Variants in CFDP1 observed in about 807,000 individuals in gnomAD.
CFDP1 encodes chromatin remodeling protein CFDP1, also known as heterochromatin-stabilizing protein CFDP1.
Under a neutral mutation model 40.1 loss-of-function variants are expected in CFDP1, and 31 were observed. The observed-to-expected ratio is 0.77, with a 90% CI of 0.58 to 1.04. The LOEUF (loss-of-function observed/expected upper bound fraction) is 1.04. Ranked by LOEUF, CFDP1 falls within the 50% of genes least tolerant of loss-of-function variation. The pLI, the probability that CFDP1 is intolerant of heterozygous loss-of-function variation, is 0.00. For missense variants in CFDP1, 423 were observed against 343.4 expected (o/e 1.23, Z -1.83); for synonymous variants, 167 against 120.0 (o/e 1.39, Z -2.56).
Position 75,432,229 on chromosome 16 carries a change from C to A in CFDP1, c.64+1060G>T, listed in dbSNP as rs535022074. On this transcript the variant is annotated intron_variant, in intron 1 of 6. Coordinates refer to ENST00000283882, the MANE Select transcript of CFDP1 (RefSeq NM_006324.3). ...CAGGAATGGAATGGCTAGTTTTCAACGTGCCTTTTAGAAATACTTCACTAG... is the reference window on the plus strand; with the variant it reads ...CAGGAATGGAATGGCTAGTTTTCAAAGTGCCTTTTAGAAATACTTCACTAG... 2.6e-3 allele frequency among the ~76,000 whole-genome samples: 383 copies of A among 149,496 alleles called. 1 individual carries two copies. The highest frequency in any genetic ancestry group is 8.9e-3 in the African/African-American group (364 of 40,942).
intron 1 of CFDP1, among the ~76,000 whole-genome samples, chr16:75,431,615 A>G (rs1177927661): frequency 6.6e-6 from 1 of 152,078 alleles, no homozygotes; most frequent in Non-Finnish European, 1.5e-5. Flanking sequence ...CTCCAGCCTG[A>G]GCCACAGAGC....
intron 5 of CFDP1, among the ~76,000 whole-genome samples, chr16:75,394,490 T>C (rs1365206886): frequency 6.6e-6 from 1 of 152,042 alleles, no homozygotes; most frequent in Non-Finnish European, 1.5e-5. Flanking sequence ...TGGGAGTGAG[T>C]GTTCATCGCA....
intron 5 of CFDP1, among the ~76,000 whole-genome samples, chr16:75,356,713 T>C (rs2078646071): frequency 6.6e-6 from 1 of 152,060 alleles, no homozygotes; most frequent in Admixed American, 6.6e-5. Flanking sequence ...CTTCTTCCAA[T>C]AGAAAGCTAT....
intron 1 of CFDP1, chr16:75,419,122 T>A (rs1567681103): frequency 5.5e-6 from 2 of 364,246 alleles, no homozygotes; most frequent in African/African-American, 2.1e-5. Context: ...TAAATAATAA[T>A]AAAAAAAGAT....
chr16:75,392,203 A>G (rs138449165), intron 5 of CFDP1, among the ~76,000 whole-genome samples: 3 of 152,046 alleles, frequency 2.0e-5, no homozygotes, highest in East Asian at 3.9e-4. Context: ...CAGGAGTTCA[A>G]GACTAGCCTG....
At chr16:75,407,091 G>A (rs1480304448) in intron 4 of CFDP1, among the ~76,000 whole-genome samples, 2 of 152,118 alleles carry the variant, frequency 1.3e-5, no homozygotes, top group Non-Finnish European at 2.9e-5. Context: ...TCACTTGGGA[G>A]GCTGTGGTGG....
intron 1 of CFDP1, among the ~76,000 whole-genome samples, chr16:75,427,345 G>A (rs541621015): frequency 6.8e-4 from 103 of 152,032 alleles, no homozygotes; most frequent in African/African-American, 2.4e-3. Context: ...CCACCTCCTG[G>A]GTTCAAGCGA....
chr16:75,349,238 C>T (rs1399849341), intron 5 of CFDP1, among the ~76,000 whole-genome samples: 2 of 151,902 alleles, frequency 1.3e-5, no homozygotes, highest in Non-Finnish European at 1.5e-5. Context: ...AGGCTGGGTG[C>T]GGTGGGTCAC....
In CFDP1 at chr16:75,349,686, A is replaced by ATATATATATATATATATAT. The variant is rs56373574; in HGVS notation, c.651-44505_651-44504insATATATATATATATATATA. ...AAAAAAAAAAAAAAAAAAAAAAAAA[A>ATATATATATATATATATAT]AAAAATATATATACATACATATATA... On this transcript the variant is annotated intron_variant, in intron 5 of 6. Coordinates refer to ENST00000283882, the MANE Select transcript of CFDP1 (RefSeq NM_006324.3). 6.6e-3 allele frequency among the ~76,000 whole-genome samples: 59 copies of ATATATATATATATATATAT among 8,896 alleles called. 14 individuals carry two copies. Among genetic ancestry groups the ATATATATATATATATATAT allele is most frequent in the Admixed American group, 0.011 (4 of 364 alleles). The allele number at this position is 8,896 out of a possible 152,430, so 5.8% of individuals were successfully genotyped here.
intron 5 of CFDP1, among the ~76,000 whole-genome samples, chr16:75,347,046 A>G (rs1472375261): frequency 2.0e-5 from 3 of 152,032 alleles, no homozygotes; most frequent in Admixed American, 6.6e-5. Flanking sequence ...GTGACCTTCA[A>G]AATAGAAGAA....
intron 5 of CFDP1, among the ~76,000 whole-genome samples, chr16:75,385,107 A>G (rs1444382703): frequency 6.6e-6 from 1 of 151,920 alleles, no homozygotes; most frequent in African/African-American, 2.4e-5. Context: ...ATAATTTTTA[A>G]AAGATTTTCC....
In CFDP1 at chr16:75,419,390, C is replaced by T. The variant is rs536454487; in HGVS notation, c.65-4695G>A. Reference sequence around the variant, plus strand: ...TTCCAATTGATAAAGGAAAGCTATACTTTACAGAAAAATGTCAACCAATAA... The same window carrying T: ...TTCCAATTGATAAAGGAAAGCTATATTTTACAGAAAAATGTCAACCAATAA... On this transcript the variant is annotated intron_variant, in intron 1 of 6. Transcript: ENST00000283882. Among the ~76,000 whole-genome samples the T allele has an allele frequency of 2.0e-4, 30 of 152,258 alleles. 1 individual carries two copies. The South Asian group carries it at 6.0e-3, about 30-fold the overall frequency.
At chr16:75,295,578 C>A (rs2078176465) in intron 6 of CFDP1, among the ~76,000 whole-genome samples, 1 of 152,182 alleles carries the variant, frequency 6.6e-6, no homozygotes, top group Non-Finnish European at 1.5e-5. Context: ...CAAGTCTGGA[C>A]TTATGGTTTC....
At position 75,402,493 on chromosome 16, in the gene CFDP1, C is replaced by A. The variant is rs368361198; in HGVS notation, c.531-7284G>T. ...AAGCTAAACATTTTTCAAGTAGGGA[C>A]AAAAACAAAATGAAATGATCAAAGC... On this transcript the variant is annotated intron_variant, in intron 4 of 6. Coordinates refer to ENST00000283882, the MANE Select transcript of CFDP1 (RefSeq NM_006324.3). Among the ~76,000 whole-genome samples the A allele has an allele frequency of 4.6e-5, 7 of 152,164 alleles. No homozygotes were observed. In the South Asian group the frequency reaches 1.5e-3, roughly 32 times the overall value.
chr16:75,368,827 G>C (rs913042465), intron 5 of CFDP1, among the ~76,000 whole-genome samples: 6 of 152,050 alleles, frequency 3.9e-5, no homozygotes, highest in Non-Finnish European at 5.9e-5. Flanking sequence ...TAGAGATGGA[G>C]TTTCGCCATG....
intron 4 of CFDP1, among the ~76,000 whole-genome samples, chr16:75,401,330 A>C (rs933719601): frequency 6.7e-6 from 1 of 149,904 alleles, no homozygotes; most frequent in Non-Finnish European, 1.5e-5. Context: ...CGGGAGGCTG[A>C]GGCAGGAGAA....
intron 6 of CFDP1, among the ~76,000 whole-genome samples, chr16:75,294,467 T>C (rs1161249055): frequency 6.6e-6 from 1 of 151,900 alleles, no homozygotes; most frequent in African/African-American, 2.4e-5. Context: ...GTTGAATTGG[T>C]GGGTAAGAGA....
intron 5 of CFDP1, among the ~76,000 whole-genome samples, chr16:75,384,852 C>CTATATATATA (rs59681577): frequency 6.8e-4 from 81 of 119,924 alleles, no homozygotes; most frequent in South Asian, 1.3e-3. Context: ...GAAACTAAAA[C>CTATATATATA]TATATATATA....
chr16:75,418,700 A>T (rs957827685), intron 1 of CFDP1, among the ~76,000 whole-genome samples: 3 of 150,882 alleles, frequency 2.0e-5, no homozygotes, highest in Non-Finnish European at 4.4e-5. Flanking sequence ...CTAAAGTTCA[A>T]AGTTGAGACC....
Sources: gnomAD v4.1 joint callset for allele counts (sites outside exome capture counted in the v4.1 genomes callset) on GRCh38, gnomAD v4.1.1 for gene constraint, MANE v1.5 for transcripts, NCBI Gene and HGNC (gene_info 2026-07-23, HGNC 2026-07-21) for gene names.